The following TMPRSS9 variants were observed in gnomAD, a reference collection of about 807,000 sequenced individuals.
The protein encoded by TMPRSS9 is transmembrane serine protease 9.
In TMPRSS9, 113 loss-of-function variants were observed where a neutral mutation model predicts 111.4. The observed-to-expected ratio is 1.01, with a 90% CI of 0.87 to 1.19. TMPRSS9 has a LOEUF of 1.19. Ranked by LOEUF, TMPRSS9 falls within the 50% of genes most tolerant of loss-of-function variation. TMPRSS9 has a pLI of 0.00. For synonymous variants in TMPRSS9, 805 were observed against 659.1 expected, an observed-to-expected ratio of 1.22 and a Z score of -3.39; for missense variants, 1,803 against 1,513.1, an observed-to-expected ratio of 1.19 and a Z score of -3.18.
chr19:2,407,975 G>A (rs1230054347), intron 7 of TMPRSS9, among the ~76,000 whole-genome samples: 8 of 151,838 alleles, frequency 5.3e-5, no homozygotes, highest in Non-Finnish European at 1.2e-4. Flanking sequence ...GTAGAGATGG[G>A]GTTTCACCAT....
intron 1 of TMPRSS9, among the ~76,000 whole-genome samples, chr19:2,371,318 C>T (rs1327417165): frequency 6.6e-6 from 1 of 152,182 alleles, no homozygotes; most frequent in Admixed American, 6.6e-5. Context: ...GGGGCCCCCA[C>T]ACGGCTCCAG....
intron 8 of TMPRSS9, among the ~76,000 whole-genome samples, chr19:2,409,432 T>C (rs1438834313): frequency 6.6e-6 from 1 of 152,048 alleles, no homozygotes; most frequent in Non-Finnish European, 1.5e-5. Flanking sequence ...GTGAGCCACC[T>C]CACCCGGCCA....
intron 6 of TMPRSS9, among the ~76,000 whole-genome samples, chr19:2,404,478 G>A (rs1048877142): frequency 1.3e-5 from 2 of 151,800 alleles, no homozygotes; most frequent in Non-Finnish European, 2.9e-5. Flanking sequence ...GGGAGGTGGA[G>A]GTTACAGTGA....
chr19:2,375,592 A>G (rs970165212), intron 1 of TMPRSS9, among the ~76,000 whole-genome samples: 2 of 151,626 alleles, frequency 1.3e-5, no homozygotes, highest in East Asian at 3.9e-4. Context: ...TCCAGTGTGG[A>G]CCAATCACTG....
intron 1 of TMPRSS9, among the ~76,000 whole-genome samples, chr19:2,376,015 C>T (rs1052993546): frequency 2.0e-5 from 3 of 152,116 alleles, no homozygotes; most frequent in Non-Finnish European, 2.9e-5. Context: ...AAGTCAGCAT[C>T]GAGTAGCATT....
At chr19:2,371,910 G>C (rs958589939) in intron 1 of TMPRSS9, among the ~76,000 whole-genome samples, 2 of 152,156 alleles carry the variant, frequency 1.3e-5, no homozygotes, top group African/African-American at 2.4e-5. Flanking sequence ...GAGGCTGGTC[G>C]AGCCACAGGC....
At chr19:2,423,270 G>GC (rs1402917754) in intron 14 of TMPRSS9, among the ~76,000 whole-genome samples, 3 of 151,762 alleles carry the variant, frequency 2.0e-5, no homozygotes, top group Admixed American at 6.6e-5. Flanking sequence ...GGTGGAGAAG[G>GC]CCCCCCTCAA....
chr19:2,394,895 T>TCTG (rs899981529), intron 1 of TMPRSS9, among the ~76,000 whole-genome samples: 1 of 152,230 alleles, frequency 6.6e-6, no homozygotes, highest in Non-Finnish European at 1.5e-5. Context: ...TAGATTTTTT[T>TCTG]CTGCTGCTGC....
intron 1 of TMPRSS9, among the ~76,000 whole-genome samples, chr19:2,374,060 A>C (rs1599276064): frequency 1.3e-5 from 2 of 152,138 alleles, no homozygotes; most frequent in East Asian, 3.9e-4. Context: ...GTTTCTGTAC[A>C]TTGGGCAAAT....
upstream of TMPRSS9, among the ~76,000 whole-genome samples, chr19:2,385,413 G>T (rs988260176): frequency 6.6e-6 from 1 of 152,190 alleles, no homozygotes; most frequent in African/African-American, 2.4e-5. Flanking sequence ...GACTGAAAGC[G>T]GCAGGAGCAT....
chr19:2,368,783 T>TTTTTTTTTTTA (rs1970266730), intron 1 of TMPRSS9, among the ~76,000 whole-genome samples: 1 of 108,502 alleles, frequency 9.2e-6, no homozygotes, highest in Admixed American at 9.1e-5. Context: ...AGTTTTTTTT[T>TTTTTTTTTTTA]TTTTTTTTTT....
chr19:2,405,612 G>A (rs2145339021), intron 7 of TMPRSS9, 67 bp downstream of exon 8: 2 of 1,416,342 alleles, frequency 1.4e-6, no homozygotes, highest in Non-Finnish European at 9.3e-7. Flanking sequence ...CTCGTGCACT[G>A]GGGACGTCAC....
At chr19:2,397,686 G>A (rs1482860005) in intron 2 of TMPRSS9, among the ~76,000 whole-genome samples, 1 of 148,104 alleles carries the variant, frequency 6.8e-6, no homozygotes, top group Admixed American at 6.6e-5. Context: ...TTGGGAGGCC[G>A]AGGAGAGTGG....
At chr19:2,380,994 A>G (rs988698286) in intron 1 of TMPRSS9, among the ~76,000 whole-genome samples, 2 of 152,050 alleles carry the variant, frequency 1.3e-5, no homozygotes, top group Admixed American at 6.6e-5. Context: ...GGCGTGTCTA[A>G]ATCAAAGACC....
rs185370351 is a variant in TMPRSS9, at chr19:2,406,716, G to A, written c.842+1171G>A. Among the ~76,000 whole-genome samples, 4 of 151,870 alleles carry A rather than the reference G, an allele frequency of 2.6e-5. No homozygotes were observed. The East Asian group carries it at 7.7e-4, about 29-fold the overall frequency. ...GTGGTTTTGACTTGGATTTCTCGGT[G>A]ACCAATGACATTTTGTTGATGTTTT... On this transcript the variant is annotated intron_variant, in intron 7 of 17. Transcript: ENST00000648592.
chr19:2,408,367 C>T lies in TMPRSS9; in HGVS notation c.854C>T (p.Pro285Leu), dbSNP rs567480745. The change falls in exon 8 of 18, where the codon CCG becomes CTG. Residue 285 changes from proline to leucine, a missense_variant. Pro to Leu is a moderately conservative substitution (Grantham distance 98). Transcript: ENST00000648592. ...GTTTGCTCCTGCAGGTTCCAAGACCCGACGAAGTGGGTGGCCTACGTGGGT... is the reference window on the plus strand; with the variant it reads ...GTTTGCTCCTGCAGGTTCCAAGACCTGACGAAGTGGGTGGCCTACGTGGGT... 2.7e-5 allele frequency: 43 copies of T among 1,613,278 alleles called. No homozygotes were observed. The highest frequency in any genetic ancestry group is 1.5e-4 in the Admixed American group (9 of 59,970).
chr19:2,369,037 C>T (rs569373961), intron 1 of TMPRSS9, among the ~76,000 whole-genome samples: 17 of 149,286 alleles, frequency 1.1e-4, no homozygotes, highest in African/African-American at 4.2e-4. Context: ...CTGTAACCTC[C>T]ACCTCCCGGG....
chr19:2,365,516 G>A (rs922653357), intron 1 of TMPRSS9, among the ~76,000 whole-genome samples: 1 of 152,068 alleles, frequency 6.6e-6, no homozygotes, highest in Non-Finnish European at 1.5e-5. Flanking sequence ...TTCTATAAAC[G>A]GGCTTTGGCT....
At chr19:2,382,792 C>T (rs1390194176) in intron 1 of TMPRSS9, among the ~76,000 whole-genome samples, 2 of 152,060 alleles carry the variant, frequency 1.3e-5, no homozygotes, top group African/African-American at 2.4e-5. Flanking sequence ...GATGCACACC[C>T]GCACACAGAC....
Sources: allele counts gnomAD v4.1 joint callset (sites outside exome capture counted in the v4.1 genomes callset), GRCh38; gene constraint gnomAD v4.1.1; transcripts MANE v1.5; gene names NCBI Gene and HGNC (gene_info 2026-07-23, HGNC 2026-07-21).